Variants in SYT16 observed in about 807,000 individuals in gnomAD.
SYT16 encodes synaptotagmin 16.
In SYT16, 42 loss-of-function variants were observed where a neutral mutation model predicts 61.4. The ratio of observed to expected loss-of-function variants is 0.68; its 90% CI spans 0.53 to 0.89. The LOEUF (loss-of-function observed/expected upper bound fraction) is 0.89, where lower values mean the gene tolerates loss of function less well. Ranked by LOEUF, SYT16 falls within the 40% of genes least tolerant of loss-of-function variation. The probability of loss-of-function intolerance (pLI) is 0.00; values close to 1 mark genes in which losing one functional copy is unlikely to be tolerated. For synonymous variants in SYT16, 314 were observed against 302.3 expected (o/e 1.04, Z -0.40); for missense variants, 804 against 807.3 (o/e 1.00, Z 0.05).
chr14:62,080,069 A>G (rs1410443089), intron 5 of SYT16, among the ~76,000 whole-genome samples: 1 of 152,158 alleles, frequency 6.6e-6, no homozygotes, highest in Non-Finnish European at 1.5e-5. Flanking sequence ...TGGCCAGGGT[A>G]AAAAAGCTAG....
At chr14:62,002,153 C>T (rs1390019776) in intron 3 of SYT16, among the ~76,000 whole-genome samples, 1 of 151,990 alleles carries the variant, frequency 6.6e-6, no homozygotes, top group Non-Finnish European at 1.5e-5. Flanking sequence ...GAAAATAGAA[C>T]ATTATATGTA....
intron 1 of SYT16, among the ~76,000 whole-genome samples, chr14:61,838,842 G>A (rs1031608763): frequency 6.6e-6 from 1 of 152,124 alleles, no homozygotes; most frequent in South Asian, 2.1e-4. Context: ...TTAATATCTC[G>A]ATGAATCATC....
At chr14:62,029,991 C>T (rs894991983) in intron 3 of SYT16, among the ~76,000 whole-genome samples, 2 of 152,110 alleles carry the variant, frequency 1.3e-5, no homozygotes, top group African/African-American at 4.8e-5. Flanking sequence ...GCTCACAAAT[C>T]AGAAGGCTTC....
intron 1 of SYT16, among the ~76,000 whole-genome samples, chr14:61,914,590 C>T (rs1252167187): frequency 6.6e-6 from 1 of 150,418 alleles, no homozygotes; most frequent in African/African-American, 2.4e-5. Context: ...TGTAAAGTGG[C>T]ACCATCTGTT....
At chr14:62,091,439 A>G (rs113520417) in intron 7 of SYT16, among the ~76,000 whole-genome samples, 25 of 152,328 alleles carry the variant, frequency 1.6e-4, no homozygotes, top group African/African-American at 5.3e-4. Context: ...ATAGGCCTGC[A>G]TGGATTGCCT....
chr14:61,927,396 G>C (rs892504497), intron 1 of SYT16, among the ~76,000 whole-genome samples: 8 of 152,184 alleles, frequency 5.3e-5, no homozygotes, highest in African/African-American at 1.9e-4. Context: ...ATAAGAGAAA[G>C]CACTTTTTTT....
intron 1 of SYT16, among the ~76,000 whole-genome samples, chr14:61,868,203 C>A (rs1174812695): frequency 6.6e-6 from 1 of 151,850 alleles, no homozygotes; most frequent in East Asian, 1.9e-4. Context: ...TTCTTTCTCT[C>A]TTTTCTGAGA....
intron 1 of SYT16, among the ~76,000 whole-genome samples, chr14:61,885,422 A>G (rs2047862561): frequency 6.6e-6 from 1 of 152,208 alleles, no homozygotes; most frequent in South Asian, 2.1e-4. Context: ...TACTGAGGTA[A>G]CAAGGACTGG....
At chr14:62,005,713 A>G (rs1425132124) in intron 3 of SYT16, among the ~76,000 whole-genome samples, 1 of 152,186 alleles carries the variant, frequency 6.6e-6, no homozygotes, top group African/African-American at 2.4e-5. Context: ...GTGTTATACT[A>G]TGGCCCCTTT....
intron 1 of SYT16, among the ~76,000 whole-genome samples, chr14:61,860,422 GAAT>G (rs1004481648): frequency 1.3e-5 from 2 of 152,204 alleles, no homozygotes; most frequent in Non-Finnish European, 2.9e-5. Flanking sequence ...AACTCAGAGT[GAAT>G]AAGGTGGGGA....
intron 7 of SYT16, among the ~76,000 whole-genome samples, chr14:62,094,442 T>C (rs988618287): frequency 3.9e-5 from 6 of 152,106 alleles, no homozygotes; most frequent in African/African-American, 7.2e-5. Context: ...TCAATTTCTT[T>C]TTTTAGAGCA....
intron 1 of SYT16, among the ~76,000 whole-genome samples, chr14:61,813,853 A>G (rs1254766429): frequency 6.6e-6 from 1 of 151,446 alleles, no homozygotes. Context: ...AGATGGGAAA[A>G]TGAGATGTCA....
At chr14:62,042,007 G>T (rs959812095) in intron 3 of SYT16, among the ~76,000 whole-genome samples, 4 of 151,936 alleles carry the variant, frequency 2.6e-5, no homozygotes, top group Admixed American at 1.3e-4. Flanking sequence ...TACCTATCAG[G>T]TTCAATCTGT....
chr14:61,861,746 G>A (rs1437101731), intron 1 of SYT16, among the ~76,000 whole-genome samples: 1 of 152,136 alleles, frequency 6.6e-6, no homozygotes, highest in African/African-American at 2.4e-5. Flanking sequence ...TAGAGATACT[G>A]GGGATTCAGT....
intron 7 of SYT16, among the ~76,000 whole-genome samples, chr14:62,097,277 A>G (rs2057301751): frequency 6.6e-6 from 1 of 152,188 alleles, no homozygotes; most frequent in Non-Finnish European, 1.5e-5. Flanking sequence ...TGACCCATTC[A>G]GTGTTTTGCT....
intron 1 of SYT16, chr14:61,831,766 A>G (rs1027326909): frequency 1.6e-5 from 3 of 184,840 alleles, no homozygotes; most frequent in East Asian, 2.7e-4. Flanking sequence ...ATTTATTAGC[A>G]GTGGTACTGT....
At chr14:61,824,659 G>A (rs1002299385) in intron 1 of SYT16, among the ~76,000 whole-genome samples, 2 of 152,118 alleles carry the variant, frequency 1.3e-5, no homozygotes, top group Non-Finnish European at 2.9e-5. Flanking sequence ...GCTATAATAA[G>A]CATTTTAATG....
chr14:62,098,840 T>A (rs2057345587), intron 7 of SYT16, among the ~76,000 whole-genome samples: 1 of 152,158 alleles, frequency 6.6e-6, no homozygotes, highest in Admixed American at 6.5e-5. Context: ...GAGGGTTATC[T>A]GAACTGGTGG....
At chr14:62,009,514 C>T (rs1247679726) in intron 3 of SYT16, among the ~76,000 whole-genome samples, 1 of 152,218 alleles carries the variant, frequency 6.6e-6, no homozygotes, top group African/African-American at 2.4e-5. Context: ...TCTCAAACTA[C>T]TATCTCTCAG....
Sources: gnomAD v4.1 joint callset for allele counts (sites outside exome capture counted in the v4.1 genomes callset) on GRCh38, gnomAD v4.1.1 for gene constraint, MANE v1.5 for transcripts, NCBI Gene and HGNC (gene_info 2026-07-23, HGNC 2026-07-21) for gene names.